ZNF892: variants seen among roughly 807,000 people sequenced by gnomAD.
ZNF892 encodes zinc finger protein 892.
chr2:95,246,199 G>A, the ZNF892 span, among the ~76,000 whole-genome samples: 33 of 152,302 alleles, frequency 2.2e-4, 1 homozygote, highest in South Asian at 6.4e-3. Context: ...CAGGATGCAA[G>A]GTTGGTTCAA....
chr2:95,224,694 G>T, the ZNF892 span, among the ~76,000 whole-genome samples: 2 of 152,152 alleles, frequency 1.3e-5, no homozygotes, highest in Non-Finnish European at 2.9e-5. Flanking sequence ...ATTTGGGCAG[G>T]GCCACAGACC....
At chr2:95,210,509 G>A in the ZNF892 span, among the ~76,000 whole-genome samples, 1 of 152,096 alleles carries the variant, frequency 6.6e-6, no homozygotes, top group Non-Finnish European at 1.5e-5. Flanking sequence ...TAAACTTTGT[G>A]TCTGTCATCT....
chr2:95,230,918 G>A, the ZNF892 span, among the ~76,000 whole-genome samples: 1 of 152,208 alleles, frequency 6.6e-6, no homozygotes, highest in Non-Finnish European at 1.5e-5. Context: ...GTGCTTCTTA[G>A]CACTTATGTT....
the ZNF892 span, among the ~76,000 whole-genome samples, chr2:95,232,551 A>G: frequency 6.6e-6 from 1 of 152,110 alleles, no homozygotes; most frequent in Non-Finnish European, 1.5e-5. Context: ...CATCTCTTTA[A>G]AATCTTGGGT....
the ZNF892 span, among the ~76,000 whole-genome samples, chr2:95,217,268 T>A: frequency 6.6e-6 from 1 of 152,202 alleles, no homozygotes; most frequent in Non-Finnish European, 1.5e-5. Flanking sequence ...CTGAAAACCC[T>A]GTCTCCACAT....
the ZNF892 span, among the ~76,000 whole-genome samples, chr2:95,255,839 T>A: frequency 6.6e-6 from 1 of 152,252 alleles, no homozygotes; most frequent in African/African-American, 2.4e-5. Flanking sequence ...TGTAATGGCC[T>A]CCTTTGTCTC....
the ZNF892 span, among the ~76,000 whole-genome samples, chr2:95,242,999 G>A: frequency 4.3e-3 from 654 of 152,302 alleles, 12 homozygotes; most frequent in African/African-American, 0.015. Context: ...GCAGGCGCGC[G>A]CCGCCACGCC....
At chr2:95,240,216 G>A in the ZNF892 span, among the ~76,000 whole-genome samples, 2 of 152,272 alleles carry the variant, frequency 1.3e-5, no homozygotes, top group African/African-American at 4.8e-5. Context: ...GGAGAGGAAT[G>A]AAAGGAGCAA....
At chr2:95,216,639 CTT>C in the ZNF892 span, among the ~76,000 whole-genome samples, 1 of 151,874 alleles carries the variant, frequency 6.6e-6, no homozygotes, top group African/African-American at 2.4e-5. Context: ...TTCATTGAAA[CTT>C]TGAAGATTAT....
chr2:95,208,075 A>C, the ZNF892 span, among the ~76,000 whole-genome samples: 3 of 152,216 alleles, frequency 2.0e-5, no homozygotes, highest in Admixed American at 6.5e-5. Flanking sequence ...TTGGCTTTTG[A>C]TAATGACTTC....
the ZNF892 span, chr2:95,215,223 G>A: frequency 2.2e-6 from 1 of 460,064 alleles, no homozygotes; most frequent in Non-Finnish European, 3.9e-6. Context: ...ATGTGGGAAA[G>A]CCTTTGGCTA....
chr2:95,216,861 A>T, the ZNF892 span, among the ~76,000 whole-genome samples: 10 of 151,998 alleles, frequency 6.6e-5, no homozygotes, highest in African/African-American at 1.9e-4. Flanking sequence ...TTCTTCTGGG[A>T]CTCTAATGAA....
the ZNF892 span, among the ~76,000 whole-genome samples, chr2:95,263,526 C>A: frequency 6.6e-6 from 1 of 152,098 alleles, no homozygotes; most frequent in African/African-American, 2.4e-5. Context: ...GGCAAAATAA[C>A]ACATACATTT....
At chr2:95,229,623 G>GT in the ZNF892 span, among the ~76,000 whole-genome samples, 1 of 152,162 alleles carries the variant, frequency 6.6e-6, no homozygotes, top group Non-Finnish European at 1.5e-5. Flanking sequence ...CATTCTGTAT[G>GT]TATCAGTTGT....
chr2:95,235,190 A>T, the ZNF892 span, among the ~76,000 whole-genome samples: 1 of 152,156 alleles, frequency 6.6e-6, no homozygotes, highest in African/African-American at 2.4e-5. Context: ...TTTCACAAAG[A>T]TTAATAATTG....
chr2:95,234,647 G>C, the ZNF892 span, among the ~76,000 whole-genome samples: 1 of 152,196 alleles, frequency 6.6e-6, no homozygotes, highest in Non-Finnish European at 1.5e-5. Flanking sequence ...CTGAACACAT[G>C]GGGGCTCACA....
chr2:95,216,821 A>G, the ZNF892 span, among the ~76,000 whole-genome samples: 1 of 152,136 alleles, frequency 6.6e-6, no homozygotes, highest in Admixed American at 6.5e-5. Context: ...ATCTCTTTAA[A>G]TACATTTTAG....
the ZNF892 span, among the ~76,000 whole-genome samples, chr2:95,250,911 G>A: frequency 5.7e-4 from 83 of 145,528 alleles, 1 homozygote; most frequent in East Asian, 8.0e-3. Context: ...AAACATTGAC[G>A]TCAATACTTA....
At chr2:95,215,194 G>A in the ZNF892 span, 8 of 449,264 alleles carry the variant, frequency 1.8e-5, no homozygotes, top group African/African-American at 2.0e-5. Flanking sequence ...ACTGGGGAGC[G>A]GCCATATGAG....
Sources: gnomAD v4.1 joint callset for allele counts (sites outside exome capture counted in the v4.1 genomes callset) on GRCh38, gnomAD v4.1.1 for gene constraint, MANE v1.5 for transcripts, NCBI Gene and HGNC (gene_info 2026-07-23, HGNC 2026-07-21) for gene names.